Variants in EXOC4 observed in about 807,000 individuals in gnomAD.
EXOC4 encodes the protein SEC8-like 1.
In EXOC4, 71 loss-of-function variants were observed where a neutral mutation model predicts 107.2. The ratio of observed to expected loss-of-function variants is 0.66; its 90% confidence interval spans 0.55 to 0.81. The LOEUF is 0.81. Ranked by LOEUF, EXOC4 falls within the 30% of genes least tolerant of loss-of-function variation. The pLI, the probability that EXOC4 is intolerant of heterozygous loss-of-function variation, is 0.00. For missense variants in EXOC4, 1,108 were observed against 1,189.6 expected (o/e 0.93, Z 1.01); for synonymous variants, 456 against 441.2 (o/e 1.03, Z -0.42).
intron 11 of EXOC4, among the ~76,000 whole-genome samples, chr7:133,822,847 A>G (rs1415170264): frequency 6.6e-6 from 1 of 152,226 alleles, no homozygotes; most frequent in Middle Eastern, 3.2e-3. Context: ...ACGGGATCTA[A>G]TGTTGTGGGG....
intron 10 of EXOC4, among the ~76,000 whole-genome samples, chr7:133,788,083 T>G (rs930961550): frequency 4.8e-5 from 7 of 144,740 alleles, no homozygotes; most frequent in African/African-American, 1.0e-4. Flanking sequence ...TGCTGGGTTC[T>G]TGGTTGGTTC....
At chr7:133,650,397 C>A (rs1803113273) in intron 10 of EXOC4, among the ~76,000 whole-genome samples, 1 of 151,996 alleles carries the variant, frequency 6.6e-6, no homozygotes, top group African/African-American at 2.4e-5. Context: ...TCCTCCACTG[C>A]TAGCAACTTG....
chr7:133,623,835 T>A (rs2151008746), intron 9 of EXOC4, among the ~76,000 whole-genome samples: 1 of 152,260 alleles, frequency 6.6e-6, no homozygotes, highest in African/African-American at 2.4e-5. Context: ...GTGACAAGTT[T>A]AGTGGTGGTG....
chr7:133,846,038 G>T (rs1200858732), intron 11 of EXOC4, among the ~76,000 whole-genome samples: 3 of 151,780 alleles, frequency 2.0e-5, no homozygotes, highest in African/African-American at 7.3e-5. Flanking sequence ...ACACACACGA[G>T]AACTTTATAC....
chr7:133,932,915 AG>A (rs1800212762), intron 13 of EXOC4, among the ~76,000 whole-genome samples: 1 of 149,330 alleles, frequency 6.7e-6, no homozygotes, highest in Admixed American at 6.6e-5. Flanking sequence ...GGACCAGGAG[AG>A]AGAGAGAGAG....
intron 14 of EXOC4, among the ~76,000 whole-genome samples, chr7:133,971,361 T>TATATATATATATATATATAG (rs1489958236): frequency 2.1e-4 from 16 of 75,078 alleles, no homozygotes; most frequent in Non-Finnish European, 2.6e-4. Flanking sequence ...TATATATATA[T>TATATATATATATATATATAG]AGAGAGAGAG....
chr7:133,266,712 T>C (rs1259340002), intron 1 of EXOC4, among the ~76,000 whole-genome samples: 2 of 152,246 alleles, frequency 1.3e-5, no homozygotes, highest in Non-Finnish European at 2.9e-5. Context: ...TGAGTTTTAA[T>C]GTTATGTTCT....
intron 11 of EXOC4, among the ~76,000 whole-genome samples, chr7:133,823,383 A>G (rs887494599): frequency 2.6e-5 from 4 of 152,120 alleles, no homozygotes; most frequent in Non-Finnish European, 4.4e-5. Context: ...TTGGTTGCTC[A>G]GGGGTGGGGC....
At chr7:134,029,556 G>A (rs1180197043) in intron 17 of EXOC4, among the ~76,000 whole-genome samples, 1 of 152,146 alleles carries the variant, frequency 6.6e-6, no homozygotes, top group East Asian at 1.9e-4. Flanking sequence ...GTTTTACTCT[G>A]TCACCCAGGC....
intron 11 of EXOC4, among the ~76,000 whole-genome samples, chr7:133,855,082 A>AATATATCTAAATATATATAAAT (rs1554409738): frequency 2.6e-5 from 2 of 76,754 alleles, no homozygotes; most frequent in African/African-American, 8.5e-5. Context: ...AATATATCTA[A>AATATATCTAAATATATATAAAT]ATATATATAA....
intron 9 of EXOC4, among the ~76,000 whole-genome samples, chr7:133,604,576 G>T (rs1801884696): frequency 6.6e-6 from 1 of 152,016 alleles, no homozygotes; most frequent in African/African-American, 2.4e-5. Context: ...TATGGAACAT[G>T]ACTGTAATTA....
At chr7:133,798,334 T>G (rs796417860) in intron 10 of EXOC4, among the ~76,000 whole-genome samples, 7 of 149,206 alleles carry the variant, frequency 4.7e-5, no homozygotes, top group African/African-American at 1.7e-4. Context: ...CTGAGTCATT[T>G]AAAAGCTTTG....
At chr7:133,413,038 T>C (rs1181853121) in intron 7 of EXOC4, among the ~76,000 whole-genome samples, 1 of 152,046 alleles carries the variant, frequency 6.6e-6, no homozygotes, top group African/African-American at 2.4e-5. Flanking sequence ...AGGAGAAGGG[T>C]GATTGGCATT....
rs376003128 is a variant in EXOC4 at position 133,253,116 on chromosome 7, A to T, written c.15A>T (p.Ala5=). MAAE[A]AGGKYRSTVS... ...CCGCGTCCAAGATGGCGGCAGAAGCAGCTGGTGGGAAATACAGAAGCACAG... is the reference window on the plus strand; with the variant it reads ...CCGCGTCCAAGATGGCGGCAGAAGCTGCTGGTGGGAAATACAGAAGCACAG... Residue 5 remains alanine, a synonymous_variant, in exon 1 of 18, where the codon GCA becomes GCT. Transcript: ENST00000253861. The T allele has an allele frequency of 1.5e-5, 25 of 1,614,070 alleles. No individual in the cohort carries two copies. Among genetic ancestry groups the T allele is most frequent in the Non-Finnish European group, 1.9e-5 (22 of 1,180,016 alleles).
At chr7:133,287,781 G>A (rs1001224552) in intron 2 of EXOC4, among the ~76,000 whole-genome samples, 2 of 152,166 alleles carry the variant, frequency 1.3e-5, no homozygotes, top group South Asian at 2.1e-4. Context: ...CATATTTTCC[G>A]TACTTGTTGG....
chr7:133,938,012 C>G lies in EXOC4; in HGVS notation c.2149C>G (p.Leu717Val), dbSNP rs10269237. ...AGCCTTGGCCAACATGCATGAAAGCCTGGAATGGTTGGCAAGTCGAACAAA... is the reference window on the plus strand; with the variant it reads ...AGCCTTGGCCAACATGCATGAAAGCGTGGAATGGTTGGCAAGTCGAACAAA... ...LKALANMHES[L>V]EWLASRTKSA... Residue 717 changes from leucine (L) to valine (V), a missense_variant, in exon 14 of 18, where the codon CTG (leucine) becomes GTG (valine). Physicochemically the swap from Leu to Val is conservative, Grantham distance 32 (BLOSUM62 1). Coordinates refer to ENST00000253861, the MANE Select transcript of EXOC4 (RefSeq NM_021807.4). 2.9e-4 allele frequency: 465 copies of G among 1,614,122 alleles called. 1 individual carries two copies. In the African/African-American group the frequency reaches 5.4e-3, roughly 19 times the overall value.
intron 9 of EXOC4, among the ~76,000 whole-genome samples, chr7:133,486,134 G>A (rs1799266287): frequency 6.6e-6 from 1 of 152,046 alleles, no homozygotes. Context: ...GCATTACATA[G>A]TAAATATGGA....
intron 5 of EXOC4, among the ~76,000 whole-genome samples, chr7:133,355,050 C>T (rs1299182091): frequency 6.6e-6 from 1 of 152,158 alleles, no homozygotes; most frequent in African/African-American, 2.4e-5. Context: ...GTGGATTTCA[C>T]ATCATCTGAA....
chr7:133,326,214 A>G (rs1302863412), intron 5 of EXOC4, among the ~76,000 whole-genome samples: 3 of 152,172 alleles, frequency 2.0e-5, no homozygotes, highest in Non-Finnish European at 4.4e-5. Context: ...AAACTCGTCA[A>G]AGTCATTCTC....
Sources: allele counts gnomAD v4.1 joint callset (sites outside exome capture counted in the v4.1 genomes callset), GRCh38; gene constraint gnomAD v4.1.1; transcripts MANE v1.5; gene names NCBI Gene and HGNC (gene_info 2026-07-23, HGNC 2026-07-21).